RPIA: variants seen among roughly 807,000 people sequenced by gnomAD.
The protein encoded by RPIA is ribose 5-phosphate isomerase A, also known as ribose-5-phosphate isomerase.
RPIA carries 29 observed loss-of-function variants against 37.8 expected under a neutral mutation model. The observed-to-expected ratio is 0.77, with a 90% CI of 0.57 to 1.05. The LOEUF (loss-of-function observed/expected upper bound fraction) is 1.05, where lower values mean the gene tolerates loss of function less well. Among genes scored for constraint, RPIA ranks in the 50% least tolerant of loss-of-function variants. The pLI is 0.00. For missense variants in RPIA, 385 were observed against 413.6 expected (o/e 0.93, Z 0.60); for synonymous variants, 167 against 157.0 (o/e 1.06, Z -0.48).
intron 3 of RPIA, among the ~76,000 whole-genome samples, chr2:88,713,391 A>G (rs1199946198): frequency 2.6e-5 from 4 of 151,846 alleles, no homozygotes; most frequent in Non-Finnish European, 5.9e-5. Context: ...TATGTTAAAT[A>G]CTTTCTCAGG....
chr2:88,697,755 T>C (rs973334691), intron 1 of RPIA, among the ~76,000 whole-genome samples: 1 of 152,244 alleles, frequency 6.6e-6, no homozygotes, highest in Non-Finnish European at 1.5e-5. Context: ...CTTTGCCCTC[T>C]TTCCATTTTC....
At chr2:88,711,426 G>A (rs1285472991) in intron 3 of RPIA, among the ~76,000 whole-genome samples, 1 of 152,240 alleles carries the variant, frequency 6.6e-6, no homozygotes, top group Non-Finnish European at 1.5e-5. Flanking sequence ...AAGATTTTCT[G>A]ACTGGCAATT....
chr2:88,747,748 C>T (rs1360087864), intron 8 of RPIA, among the ~76,000 whole-genome samples: 1 of 152,182 alleles, frequency 6.6e-6, no homozygotes, highest in Non-Finnish European at 1.5e-5. Flanking sequence ...TTTTCAGGTT[C>T]CCCGGTGGGG....
Position 88,750,294 on chromosome 2 carries a change from T to C in RPIA, c.*216T>C, listed in dbSNP as rs1488785083. The C allele has an allele frequency of 4.8e-6, 2 of 419,034 alleles. No homozygotes were observed. Among genetic ancestry groups the C allele is most frequent in the African/African-American group, 4.0e-5 (2 of 50,520 alleles). 26.0% of individuals were successfully genotyped at this position (419,034 alleles called of 1,614,324 possible). A position where few individuals can be genotyped will look rare whatever the true frequency, so the allele number is the denominator to read the frequency against. ...GAAATATAAACATATATTTTTACTA[T>C]TAAAATATTCAGTTTTTTAAATGAA... On this transcript the variant is annotated 3_prime_UTR_variant, in exon 9 of 9. Transcript: ENST00000283646.
intron 3 of RPIA, among the ~76,000 whole-genome samples, chr2:88,707,362 G>A (rs1382569856): frequency 6.6e-6 from 1 of 151,524 alleles, no homozygotes; most frequent in Non-Finnish European, 1.5e-5. Flanking sequence ...CTCAAGTCCT[G>A]CCTTTATTGG....
chr2:88,698,575 T>C, intron 2 of RPIA, 31 bp downstream of exon 2: 2 of 1,597,528 alleles, frequency 1.3e-6, no homozygotes, highest in South Asian at 1.1e-5. Flanking sequence ...CTGGATGTTT[T>C]GTGTGTGATG....
At position 88,695,156 on chromosome 2, in the gene RPIA, T is replaced by G. The variant is rs189488207; in HGVS notation, c.285+3173T>G. Among the ~76,000 whole-genome samples, 617 of 152,266 alleles carry G rather than the reference T, an allele frequency of 4.1e-3. 3 individuals carry two copies. Among genetic ancestry groups the G allele is most frequent in the South Asian group, 0.013 (63 of 4,818 alleles). On this transcript the variant is annotated intron_variant, in intron 1 of 8. Transcript: ENST00000283646. ...TGCATCTCTTCATCCATATCCTTCATCATAGCCTTTATAAGCTGGTAAACA... is the reference window on the plus strand; with the variant it reads ...TGCATCTCTTCATCCATATCCTTCAGCATAGCCTTTATAAGCTGGTAAACA...
chr2:88,692,054 G>C, intron 1 of RPIA, 71 bp downstream of exon 1: 2 of 1,504,994 alleles, frequency 1.3e-6, no homozygotes, highest in Non-Finnish European at 1.8e-6. Context: ...CGCGTTGTGG[G>C]TGCTGCCGGG....
chr2:88,729,261 T>C lies in RPIA; in HGVS notation c.403-17T>C, dbSNP rs550841076. 7 of 1,613,910 alleles carry C rather than the reference T, an allele frequency of 4.3e-6. No homozygotes were observed. The East Asian group carries it at 1.6e-4, about 36-fold the overall frequency. ...CTCAAGTAAATGATCGTGGTTGCTC[T>C]TCCCTGTCCTCCGCAGGCCCGCCAG... is the stretch of plus-strand genomic sequence containing the variant. On this transcript the variant is annotated splice_polypyrimidine_tract_variant and intron_variant, in intron 3 of 8. Coordinates refer to ENST00000283646, the MANE Select transcript of RPIA (RefSeq NM_144563.3).
intron 8 of RPIA, among the ~76,000 whole-genome samples, chr2:88,743,297 G>A (rs1309404475): frequency 3.9e-5 from 6 of 151,968 alleles, no homozygotes; most frequent in African/African-American, 7.3e-5. Flanking sequence ...TGAGATGATC[G>A]TATGATTTTT....
At chr2:88,717,370 A>G (rs567230294) in intron 3 of RPIA, among the ~76,000 whole-genome samples, 1 of 152,198 alleles carries the variant, frequency 6.6e-6, no homozygotes, top group Admixed American at 6.5e-5. Context: ...TTAGGGAGAC[A>G]TGAGACATCA....
At position 88,750,291 on chromosome 2, in the gene RPIA, C is replaced by T; in HGVS notation, c.*213C>T. ...AGAGAAATATAAACATATATTTTTACTATTAAAATATTCAGTTTTTTAAAT... is the reference window on the plus strand; with the variant it reads ...AGAGAAATATAAACATATATTTTTATTATTAAAATATTCAGTTTTTTAAAT... On this transcript the variant is annotated 3_prime_UTR_variant, in exon 9 of 9. Transcript: ENST00000283646. The T allele has an allele frequency of 7.5e-6, 3 of 401,388 alleles. No homozygotes were observed. Among genetic ancestry groups the T allele is most frequent in the East Asian group, 4.0e-5 (1 of 24,806 alleles). 24.9% of individuals were successfully genotyped at this position (401,388 alleles called of 1,614,324 possible).
At chr2:88,727,782 A>G (rs1264055350) in intron 3 of RPIA, among the ~76,000 whole-genome samples, 1 of 152,240 alleles carries the variant, frequency 6.6e-6, no homozygotes, top group African/African-American at 2.4e-5. Context: ...AAGAATTAAG[A>G]AATAATCTAG....
At chr2:88,692,249 G>A (rs937537093) in intron 1 of RPIA, among the ~76,000 whole-genome samples, 8 of 152,232 alleles carry the variant, frequency 5.3e-5, no homozygotes, top group African/African-American at 1.9e-4. Flanking sequence ...TTTGCAAAGT[G>A]GAGCCTGGTG....
intron 8 of RPIA, among the ~76,000 whole-genome samples, chr2:88,738,829 G>T (rs1270287836): frequency 6.6e-6 from 1 of 152,172 alleles, no homozygotes; most frequent in Non-Finnish European, 1.5e-5. Flanking sequence ...GAGGGCACTG[G>T]CTGAGAAAGG....
intron 3 of RPIA, among the ~76,000 whole-genome samples, chr2:88,706,811 G>A (rs1202669622): frequency 3.2e-4 from 48 of 152,114 alleles, no homozygotes; most frequent in Admixed American, 3.0e-3. Flanking sequence ...AACTGAAATT[G>A]GACTCCAAGT....
chr2:88,744,764 T>G (rs192402341), intron 8 of RPIA, among the ~76,000 whole-genome samples: 135 of 152,344 alleles, frequency 8.9e-4, no homozygotes, highest in African/African-American at 3.1e-3. Flanking sequence ...CTTTGTCTTT[T>G]CTAACTTGTT....
chr2:88,721,730 T>C (rs904333525), intron 3 of RPIA, among the ~76,000 whole-genome samples: 2 of 149,250 alleles, frequency 1.3e-5, no homozygotes, highest in East Asian at 3.9e-4. Context: ...TTCATATATA[T>C]TATATAATTA....
At chr2:88,695,356 G>T (rs1239079800) in intron 1 of RPIA, among the ~76,000 whole-genome samples, 3 of 152,210 alleles carry the variant, frequency 2.0e-5, no homozygotes, top group Non-Finnish European at 1.5e-5. Flanking sequence ...GAACCTTATG[G>T]TATCTCCAGG....
Sources: gnomAD v4.1 joint callset for allele counts (sites outside exome capture counted in the v4.1 genomes callset) on GRCh38, gnomAD v4.1.1 for gene constraint, MANE v1.5 for transcripts, NCBI Gene and HGNC (gene_info 2026-07-23, HGNC 2026-07-21) for gene names.